CD209: variants seen among roughly 807,000 people sequenced by gnomAD.
CD209 encodes the protein CD209 antigen.
Under a neutral mutation model 44.7 loss-of-function variants are expected in CD209, and 31 were observed. The ratio of observed to expected loss-of-function variants is 0.69; its 90% CI spans 0.52 to 0.94. The LOEUF is 0.94. CD209 is among the 40% of genes least tolerant of loss of function. The pLI is 0.00. For synonymous variants in CD209, 173 were observed against 181.3 expected, an observed-to-expected ratio of 0.95 and a Z score of 0.37; for missense variants, 407 against 452.4, an observed-to-expected ratio of 0.90 and a Z score of 0.91.
chr19:7,743,168 A>T lies in CD209; in HGVS notation c.1086T>A (p.Asn362Lys). The T allele has an allele frequency of 6.2e-7, 1 of 1,614,172 alleles. No individual in the cohort carries two copies. The highest frequency in any genetic ancestry group is 8.5e-7 in the Non-Finnish European group (1 of 1,180,012). Reference sequence around the variant, plus strand: ...GATTACATTTGTCGTCGTTCCAGCCATTGCCACTAAATTCCGCGCAGTCTT... The same window carrying T: ...GATTACATTTGTCGTCGTTCCAGCCTTTGCCACTAAATTCCGCGCAGTCTT... ...GEEDCAEFSG[N>K]GWNDDKCNLA... is the part of the protein sequence containing the mutation. Residue 362 changes from asparagine to lysine, a missense_variant, in exon 7 of 7, where the codon AAT (asparagine) becomes AAA (lysine). Asn to Lys is a moderately conservative substitution (Grantham distance 94, BLOSUM62 0). Around this residue, in one of 3 missense-constraint regions of CD209, gnomAD observed 200 missense variants for 202.2 expected, o/e 0.99. Coordinates refer to ENST00000315599, the MANE Select transcript of CD209 (RefSeq NM_021155.4).
In CD209 at chr19:7,741,369, G is replaced by A. The variant is rs12460694; in HGVS notation, c.*1670C>T. 0.98 allele frequency: 363,378 copies of A among 371,802 alleles called. 178,271 individuals are homozygous for A. Among genetic ancestry groups the A allele is most frequent in the Non-Finnish European group, 1 (200,053 of 200,170 alleles). 23.0% of individuals were successfully genotyped at this position (371,802 alleles called of 1,614,324 possible). Reference sequence around the variant, plus strand: ...CCCAGCTAATTTTTGTACTTTTAGTGGAGTCCCAGCTACTCGGGAGGCTGA... The same window carrying A: ...CCCAGCTAATTTTTGTACTTTTAGTAGAGTCCCAGCTACTCGGGAGGCTGA... On this transcript the variant is annotated 3_prime_UTR_variant, in exon 7 of 7. Coordinates refer to ENST00000315599, the MANE Select transcript of CD209 (RefSeq NM_021155.4).
chr19:7,741,118 G>C lies in CD209; in HGVS notation c.*1921C>G. 1 of 1,055,632 alleles carries C rather than the reference G, an allele frequency of 9.5e-7. No individual in the cohort carries two copies. The highest frequency in any genetic ancestry group is 1.4e-6 in the Non-Finnish European group (1 of 708,870). 65.4% of individuals were successfully genotyped at this position (1,055,632 alleles called of 1,614,324 possible). A position where few individuals can be genotyped will look rare whatever the true frequency, so the allele number is the denominator to read the frequency against. On this transcript the variant is annotated 3_prime_UTR_variant, in exon 7 of 7. Transcript: ENST00000315599. ...CTCCGAAGCAAGCCTGGAGTACAGC[G>C]AGGAAGAAACCTACCAACAGTTCCT...
At position 7,740,581 on chromosome 19, in the gene CD209, T is replaced by C; in HGVS notation, c.*2458A>G. The C allele has an allele frequency of 1.1e-6, 1 of 871,454 alleles. No homozygotes were observed. The highest frequency in any genetic ancestry group is 1.7e-5 in the Admixed American group (1 of 58,224). 54.0% of individuals were successfully genotyped at this position (871,454 alleles called of 1,614,324 possible). On this transcript the variant is annotated 3_prime_UTR_variant, in exon 7 of 7. Coordinates refer to ENST00000315599, the MANE Select transcript of CD209 (RefSeq NM_021155.4). ...CTTGCTCCACTGAGGGACTCAGGAC[T>C]CTCACAGAAAGAGGAGGACACTTTT...
At chr19:7,743,700 TC>T (rs912757719) in intron 6 of CD209, among the ~76,000 whole-genome samples, 1 of 151,638 alleles carries the variant, frequency 6.6e-6, no homozygotes, top group Admixed American at 6.6e-5. Flanking sequence ...TGGCCCACAG[TC>T]CCCCCTCCCC....
In CD209 at chr19:7,740,850, A is replaced by T; in HGVS notation, c.*2189T>A. 1 of 751,674 alleles carries T rather than the reference A, an allele frequency of 1.3e-6. No individual in the cohort carries two copies. The highest frequency in any genetic ancestry group is 2.5e-6 in the Non-Finnish European group (1 of 405,946). The allele number at this position is 751,674 out of a possible 1,614,324, so 46.6% of individuals were successfully genotyped here. On this transcript the variant is annotated 3_prime_UTR_variant, in exon 7 of 7. Coordinates refer to ENST00000315599, the MANE Select transcript of CD209 (RefSeq NM_021155.4). ...GAAACAAAAACCGGAAGCTGTCCAG[A>T]AGATGCTGGATCAGGCTGAAAATGA...
intron 4 of CD209, 83 bp from the exon 5 acceptor site, chr19:7,745,175 G>A: frequency 5.8e-6 from 9 of 1,553,950 alleles, no homozygotes; most frequent in Non-Finnish European, 7.9e-6. Flanking sequence ...GGTCTTGAGA[G>A]TCAGAGTCCT....
rs769459892 is a variant in CD209 at position 7,743,286 on chromosome 19, A to G, written c.1014-46T>C. On this transcript the variant is annotated intron_variant, in intron 6 of 6. Transcript: ENST00000315599. ...GTGAGCCTCTGTCCCCGCCAGCTAC[A>G]TGAGCTGTGTTTCTACCTTCTGTCA... The G allele has an allele frequency of 1.1e-5, 17 of 1,526,946 alleles. No homozygotes were observed. The African/African-American group carries it at 1.9e-4, about 17-fold the overall frequency. The allele number at this position is 1,526,946 out of a possible 1,614,324, so 94.6% of individuals were successfully genotyped here.
At chr19:7,747,259 T>C in intron 2 of CD209, 47 bp downstream of exon 2, 3 of 1,599,596 alleles carry the variant, frequency 1.9e-6, no homozygotes, top group Non-Finnish European at 2.6e-6. Flanking sequence ...GACCCAGGAG[T>C]CCAGGAGTCT....
chr19:7,747,224 C>T (rs2033868818), intron 2 of CD209, 82 bp downstream of exon 2: 1 of 1,440,502 alleles, frequency 6.9e-7, no homozygotes, highest in Non-Finnish European at 9.7e-7. Context: ...CCCAAGAGTC[C>T]AGGCCCCAGC....
rs879074669 is a variant in CD209 at position 7,740,516 on chromosome 19, C to T, written c.*2523G>A. On this transcript the variant is annotated 3_prime_UTR_variant, in exon 7 of 7. Coordinates refer to ENST00000315599, the MANE Select transcript of CD209 (RefSeq NM_021155.4). ...AACCAAGCCACAAAAAGTACAGGGC[C>T]GCCCTGAAGAAGGAGAAACGAAAGA... 2.5e-5 allele frequency: 29 copies of T among 1,153,334 alleles called. No individual in the cohort carries two copies. The highest frequency in any genetic ancestry group is 2.1e-4 in the South Asian group (17 of 81,614). The allele number at this position is 1,153,334 out of a possible 1,614,324, so 71.4% of individuals were successfully genotyped here.
rs1424324803 is a variant in CD209 at position 7,744,207 on chromosome 19, G to C, written c.913C>G (p.Leu305Val). Residue 305 changes from leucine (L) to valine (V), a missense_variant, in exon 6 of 7, where the codon CTG (leucine) becomes GTG (valine). This residue lies in a region of CD209 where 200 missense variants were observed against 202.2 expected (regional missense o/e 0.99). Coordinates refer to ENST00000315599, the MANE Select transcript of CD209 (RefSeq NM_021155.4). ...AAGCGGTTACTTCTGGAAGACTGCA[G>C]CTGTAGGAAGTTCTGGAGGGTACAG... ...KSAEEQNFLQ[L>V]QSSRSNRFTW... 2 of 1,613,478 alleles carry C rather than the reference G, an allele frequency of 1.2e-6. No homozygotes were observed.
At position 7,740,576 on chromosome 19, in the gene CD209, A is replaced by G; in HGVS notation, c.*2463T>C. Reference sequence around the variant, plus strand: ...AGGAACTTGCTCCACTGAGGGACTCAGGACTCTCACAGAAAGAGGAGGACA... The same window carrying G: ...AGGAACTTGCTCCACTGAGGGACTCGGGACTCTCACAGAAAGAGGAGGACA... On this transcript the variant is annotated 3_prime_UTR_variant, in exon 7 of 7. Coordinates refer to ENST00000315599, the MANE Select transcript of CD209 (RefSeq NM_021155.4). 1.1e-6 allele frequency: 1 copy of G among 888,622 alleles called. No individual in the cohort carries two copies. Among genetic ancestry groups the G allele is most frequent in the Non-Finnish European group, 1.9e-6 (1 of 519,758 alleles). The allele number at this position is 888,622 out of a possible 1,614,324, so 55.0% of individuals were successfully genotyped here.
chr19:7,744,390 CAT>C (rs1485843174), intron 5 of CD209, among the ~76,000 whole-genome samples, 171 bp from the exon 6 acceptor site: 1 of 152,222 alleles, frequency 6.6e-6, no homozygotes, highest in Admixed American at 6.5e-5. Context: ...TCCCACGGCA[CAT>C]GTGTCCTGAC....
intron 4 of CD209, 74 bp from the exon 5 acceptor site, chr19:7,745,166 G>A (rs1029240442): frequency 1.1e-5 from 17 of 1,573,536 alleles, no homozygotes; most frequent in Non-Finnish European, 1.4e-5. Flanking sequence ...AGCCTTCAAG[G>A]TCTTGAGAGT....
rs1039813406 is a variant in CD209 at position 7,740,378 on chromosome 19, T to C, written c.*2661A>G. On this transcript the variant is annotated 3_prime_UTR_variant, in exon 7 of 7. Coordinates refer to ENST00000315599, the MANE Select transcript of CD209 (RefSeq NM_021155.4). The stretch of plus-strand genomic sequence containing the variant: ...TTTTATTACACAAAGTTGAACCAGA[T>C]TGGGCTGAATCTGCGGTTACAATGT... 4 of 567,060 alleles carry C rather than the reference T, an allele frequency of 7.1e-6. No homozygotes were observed. The highest frequency in any genetic ancestry group is 1.3e-5 in the Non-Finnish European group (4 of 309,060). The allele number at this position is 567,060 out of a possible 1,614,324, so 35.1% of individuals were successfully genotyped here.
intron 3 of CD209, 39 bp from the exon 4 acceptor site, chr19:7,746,126 C>A (rs370383103): frequency 8.3e-5 from 134 of 1,611,562 alleles, no homozygotes; most frequent in Admixed American, 4.2e-4. Context: ...TTATTAAACA[C>A]CTACTGTGTG....
In CD209 at chr19:7,741,134, A is replaced by C; in HGVS notation, c.*1905T>G. 1 of 1,078,232 alleles carries C rather than the reference A, an allele frequency of 9.3e-7. No individual in the cohort carries two copies. Among genetic ancestry groups the C allele is most frequent in the Non-Finnish European group, 1.4e-6 (1 of 739,592 alleles). 66.8% of individuals were successfully genotyped at this position (1,078,232 alleles called of 1,614,324 possible). On this transcript the variant is annotated 3_prime_UTR_variant, in exon 7 of 7. Transcript: ENST00000315599. ...GAGTACAGCGAGGAAGAAACCTACC[A>C]ACAGTTCCTAGATTTCTGTGAGGAT... is the stretch of plus-strand genomic sequence containing the variant.
Position 7,740,479 on chromosome 19 carries a change from CA to C in CD209, c.*2559del. The C allele has an allele frequency of 1.1e-6, 1 of 902,598 alleles. No homozygotes were observed. The highest frequency in any genetic ancestry group is 1.9e-6 in the Non-Finnish European group (1 of 540,402). The allele number at this position is 902,598 out of a possible 1,614,324, so 55.9% of individuals were successfully genotyped here. On this transcript the variant is annotated 3_prime_UTR_variant, in exon 7 of 7. Coordinates refer to ENST00000315599, the MANE Select transcript of CD209 (RefSeq NM_021155.4). ...AAGATGGCTGCGCCCGAAAAGGTGACATTTCCAGAGAAACCAAGCCACAAAA... is the reference window on the plus strand; with the variant it reads ...AAGATGGCTGCGCCCGAAAAGGTGACTTTCCAGAGAAACCAAGCCACAAAA...
In CD209 at chr19:7,741,289, T is replaced by G. The variant is rs571047910; in HGVS notation, c.*1750A>C. On this transcript the variant is annotated 3_prime_UTR_variant, in exon 7 of 7. Coordinates refer to ENST00000315599, the MANE Select transcript of CD209 (RefSeq NM_021155.4). ...GATCGAGACCATCCTGGTCAACATG[T>G]TGAAACCCCGTCTCTACCAAAAATA... 102 of 410,320 alleles carry G rather than the reference T, an allele frequency of 2.5e-4. No individual in the cohort carries two copies. The highest frequency in any genetic ancestry group is 4.1e-5 in the African/African-American group (2 of 48,200). The allele number at this position is 410,320 out of a possible 1,614,324, so 25.4% of individuals were successfully genotyped here. A position where few individuals can be genotyped will look rare whatever the true frequency, so the allele number is the denominator to read the frequency against.
Sources: gnomAD v4.1 joint callset for allele counts (sites outside exome capture counted in the v4.1 genomes callset) on GRCh38, gnomAD v4.1.1 for gene constraint, gnomAD v4.1.1 regional missense constraint, MANE v1.5 for transcripts, NCBI Gene and HGNC (gene_info 2026-07-23, HGNC 2026-07-21) for gene names.